Variants in SANBR observed in about 807,000 individuals in gnomAD.
The protein encoded by SANBR is SANT and BTB domain regulator of CSR.
In SANBR, 77 loss-of-function variants were observed where a neutral mutation model predicts 101.8. The ratio of observed to expected loss-of-function variants is 0.76; its 90% CI spans 0.63 to 0.91. SANBR has a LOEUF of 0.91. Among genes scored for constraint, SANBR ranks in the 40% least tolerant of loss-of-function variants. The pLI is 0.00. For synonymous variants in SANBR, 279 were observed against 274.7 expected, an observed-to-expected ratio of 1.02 and a Z score of -0.15; for missense variants, 875 against 853.0, an observed-to-expected ratio of 1.03 and a Z score of -0.32.
chr2:61,114,896 A>G (rs367717550), intron 16 of SANBR, among the ~76,000 whole-genome samples: 1 of 152,224 alleles, frequency 6.6e-6, no homozygotes, highest in East Asian at 1.9e-4. Context: ...GCCACAAGCA[A>G]TCCTCCTACC....
At chr2:61,067,765 A>G (rs951141125) in intron 1 of SANBR, among the ~76,000 whole-genome samples, 6 of 152,166 alleles carry the variant, frequency 3.9e-5, no homozygotes, top group Admixed American at 1.3e-4. Flanking sequence ...ACAACGCACT[A>G]TGTGCTCTAA....
Position 61,109,216 on chromosome 2 carries a change from C to CAGA in SANBR, c.1675_1677dup (p.Glu559dup). 1 of 1,515,396 alleles carries CAGA rather than the reference C, an allele frequency of 6.6e-7. No individual in the cohort carries two copies. Among genetic ancestry groups the CAGA allele is most frequent in the South Asian group, 1.4e-5 (1 of 70,710 alleles). 93.9% of individuals were successfully genotyped at this position (1,515,396 alleles called of 1,614,324 possible). On this transcript the variant is annotated inframe_insertion, in exon 16 of 22. Transcript: ENST00000402291. Reference sequence around the variant, plus strand: ...ACTTAGAAACAACAGTCACTGTTTTCAGAAGAAGAAGAATATACCACTGGA... The same window carrying CAGA: ...ACTTAGAAACAACAGTCACTGTTTTCAGAAGAAGAAGAAGAATATACCACTGGA...
chr2:61,119,159 T>A (rs1684221084), intron 20 of SANBR, among the ~76,000 whole-genome samples: 1 of 152,220 alleles, frequency 6.6e-6, no homozygotes, highest in Non-Finnish European at 1.5e-5. Flanking sequence ...AAGAAACACC[T>A]ATATTCTTGC....
At chr2:61,073,983 T>C (rs1006576203) in intron 5 of SANBR, among the ~76,000 whole-genome samples, 4 of 151,924 alleles carry the variant, frequency 2.6e-5, no homozygotes, top group Non-Finnish European at 5.9e-5. Context: ...TAGTTTTGTA[T>C]AGTTTTGTAT....
intron 9 of SANBR, 46 bp downstream of exon 9, chr2:61,088,291 A>G (rs1682552631): frequency 1.3e-6 from 2 of 1,568,218 alleles, no homozygotes; most frequent in East Asian, 2.3e-5. Flanking sequence ...TAATGCAGCT[A>G]TATTCTTTAA....
chr2:61,083,567 A>G (rs567516770), intron 8 of SANBR, among the ~76,000 whole-genome samples: 1 of 57,372 alleles, frequency 1.7e-5, no homozygotes, highest in Non-Finnish European at 3.2e-5. Context: ...CAGCTAAATT[A>G]AAAAAAAAAA....
At chr2:61,092,815 A>G (rs1682836188) in intron 11 of SANBR, among the ~76,000 whole-genome samples, 1 of 152,098 alleles carries the variant, frequency 6.6e-6, no homozygotes, top group African/African-American at 2.4e-5. Flanking sequence ...AGCCTGGGTG[A>G]CATAGTGAGA....
At chr2:61,088,089 T>G in intron 8 of SANBR, 70 bp from the exon 9 acceptor site, 1 of 762,832 alleles carries the variant, frequency 1.3e-6, no homozygotes, top group Admixed American at 3.1e-5. Flanking sequence ...AATGCACAGA[T>G]TGGTTTGTTT....
intron 11 of SANBR, 134 bp from the exon 12 acceptor site, chr2:61,097,566 T>C (rs1411515340): frequency 6.6e-6 from 4 of 603,000 alleles, no homozygotes; most frequent in Non-Finnish European, 1.1e-5. Flanking sequence ...CTAATCTACT[T>C]TGTGTCTGTA....
chr2:61,088,555 T>C, intron 10 of SANBR, 87 bp downstream of exon 10: 5 of 869,832 alleles, frequency 5.7e-6, no homozygotes, highest in Non-Finnish European at 8.3e-6. Flanking sequence ...AGTCTTACTC[T>C]GTCACCCAGG....
intron 11 of SANBR, 108 bp downstream of exon 11, chr2:61,092,695 C>A: frequency 1.1e-6 from 1 of 941,524 alleles, no homozygotes; most frequent in Non-Finnish European, 1.5e-6. Context: ...CAATATCCAA[C>A]ATCTTTTTAA....
At chr2:61,099,334 A>T (rs1193110703) in intron 12 of SANBR, among the ~76,000 whole-genome samples, 1 of 152,230 alleles carries the variant, frequency 6.6e-6, no homozygotes, top group Non-Finnish European at 1.5e-5. Context: ...GTTAGCTTGG[A>T]CCAGAGCAGT....
intron 20 of SANBR, among the ~76,000 whole-genome samples, chr2:61,131,607 C>T (rs150128714): frequency 6.6e-6 from 1 of 152,112 alleles, no homozygotes; most frequent in Non-Finnish European, 1.5e-5. Context: ...GGGAGTATTC[C>T]TCAACTTAAT....
chr2:61,071,629 A>G lies in SANBR; in HGVS notation c.174A>G (p.Leu58=). The change falls in exon 4 of 22, where the codon TTA becomes TTG. Residue 58 remains leucine (L), a synonymous_variant. Transcript: ENST00000402291. ...AGTGTGCAAAAAGGTTTGATGAATTAAAGAGCAGTGGAAGCTCGCCTGTTG... is the reference window on the plus strand; with the variant it reads ...AGTGTGCAAAAAGGTTTGATGAATTGAAGAGCAGTGGAAGCTCGCCTGTTG... The part of the protein sequence containing the change: ...PKECAKRFDE[L]KSSGSSPVDN... 6.4e-7 allele frequency: 1 copy of G among 1,568,344 alleles called. No individual in the cohort carries two copies. Among genetic ancestry groups the G allele is most frequent in the East Asian group, 2.3e-5 (1 of 43,078 alleles).
chr2:61,083,563 A>C (rs1363371546), intron 8 of SANBR, among the ~76,000 whole-genome samples: 1 of 128,636 alleles, frequency 7.8e-6, no homozygotes, highest in Non-Finnish European at 1.6e-5. Flanking sequence ...TGCCCAGCTA[A>C]ATTAAAAAAA....
chr2:61,100,552 C>T (rs1683233675), intron 12 of SANBR, among the ~76,000 whole-genome samples: 1 of 152,162 alleles, frequency 6.6e-6, no homozygotes, highest in Non-Finnish European at 1.5e-5. Flanking sequence ...AGAGGGAGGA[C>T]AGCTCCTCTA....
rs894024671 is a variant in SANBR, at chr2:61,097,093, G to A, written c.1213-607G>A. ...TGCTTGAATCTGGGAGGCGGAGGTA[G>A]CAGTGAGGCTAGATGGCACCACTTC... On this transcript the variant is annotated intron_variant, in intron 11 of 21. Transcript: ENST00000402291. 2.6e-5 allele frequency among the ~76,000 whole-genome samples: 4 copies of A among 152,202 alleles called. No homozygotes were observed. The East Asian group carries it at 7.7e-4, about 29-fold the overall frequency.
Position 61,070,479 on chromosome 2 carries a change from G to A in SANBR, c.129G>A (p.Val43=), listed in dbSNP as rs756390889. ...TINWETIARL[V]PGLTPKECAK... ...ACTGGGAAACTATAGCAAGGCTCGT[G>A]CCTGGATTAACACCAAAAGAGGTAA... Residue 43 remains valine, a synonymous_variant, in exon 3 of 22, where the codon GTG becomes GTA. Coordinates refer to ENST00000402291, the MANE Select transcript of SANBR (RefSeq NM_001129993.3). The A allele has an allele frequency of 6.9e-6, 11 of 1,605,512 alleles. No individual in the cohort carries two copies. The highest frequency in any genetic ancestry group is 9.3e-6 in the Non-Finnish European group (11 of 1,177,038).
intron 6 of SANBR, 51 bp downstream of exon 6, chr2:61,077,209 G>C: frequency 7.5e-7 from 1 of 1,338,974 alleles, no homozygotes; most frequent in Non-Finnish European, 1.1e-6. Context: ...GTGTCACCTG[G>C]TAGTTTCTTC....
Sources: gnomAD v4.1 joint callset for allele counts (sites outside exome capture counted in the v4.1 genomes callset) on GRCh38, gnomAD v4.1.1 for gene constraint, MANE v1.5 for transcripts, NCBI Gene and HGNC (gene_info 2026-07-23, HGNC 2026-07-21) for gene names.